The following ADGRF4 variants were observed in gnomAD, a reference collection of about 807,000 sequenced individuals.
ADGRF4 encodes G-protein coupled receptor PGR18.
A neutral mutation model predicts 58.5 loss-of-function variants in ADGRF4; 63 were observed. The observed-to-expected ratio is 1.08, with a 90% CI of 0.88 to 1.33. The LOEUF is 1.33. Among genes scored for constraint, ADGRF4 ranks in the 40% most tolerant of loss-of-function variants. ADGRF4 has a pLI of 0.00. For synonymous variants in ADGRF4, 313 were observed against 295.4 expected, an observed-to-expected ratio of 1.06 and a Z score of -0.61; for missense variants, 931 against 843.9, an observed-to-expected ratio of 1.10 and a Z score of -1.28.
At chr6:47,718,548 G>C (rs1391289812) in intron 9 of ADGRF4, 103 bp downstream of exon 9, 5 of 749,120 alleles carry the variant, frequency 6.7e-6, no homozygotes, top group Non-Finnish European at 1.2e-5. Flanking sequence ...GCCAGAATGA[G>C]GTGGGAGGGG....
chr6:47,713,750 C>T (rs775094222), intron 5 of ADGRF4, 48 bp from the exon 6 acceptor site: 3 of 1,390,542 alleles, frequency 2.2e-6, no homozygotes, highest in African/African-American at 1.4e-5. Context: ...CAACTTTGTA[C>T]AACAATGTGT....
At chr6:47,711,193 G>T (rs1379556920) in intron 4 of ADGRF4, among the ~76,000 whole-genome samples, 1 of 151,990 alleles carries the variant, frequency 6.6e-6, no homozygotes, top group South Asian at 2.1e-4. Context: ...TAGCTCTAAA[G>T]GTGGGTTGGT....
intron 1 of ADGRF4, among the ~76,000 whole-genome samples, chr6:47,705,840 T>C (rs1047329492): frequency 6.6e-6 from 1 of 152,234 alleles, no homozygotes; most frequent in African/African-American, 2.4e-5. Context: ...CTGGTTGTGT[T>C]CACTGAATGT....
intron 2 of ADGRF4, 83 bp from the exon 3 acceptor site, chr6:47,708,141 C>A: frequency 1.0e-6 from 1 of 993,920 alleles, no homozygotes; most frequent in Non-Finnish European, 1.6e-6. Context: ...ATTTTCTTTT[C>A]ATATTCATAT....
chr6:47,712,802 C>T (rs1771905103), intron 5 of ADGRF4, among the ~76,000 whole-genome samples, 194 bp downstream of exon 5: 1 of 152,128 alleles, frequency 6.6e-6, no homozygotes, highest in African/African-American at 2.4e-5. Context: ...TTTTTAATAC[C>T]TATCTTTGTA....
In ADGRF4 at chr6:47,715,428, G is replaced by A. The variant is rs116832627; in HGVS notation, c.1932+251G>A. The A allele has an allele frequency of 1.4e-3, 550 of 384,102 alleles. 3 individuals carry two copies. Among genetic ancestry groups the A allele is most frequent in the African/African-American group, 8.8e-3 (445 of 50,284 alleles). 23.8% of individuals were successfully genotyped at this position (384,102 alleles called of 1,614,324 possible). ...CCCTACTAAAGTTTCAATGTTAGAA[G>A]AAGCTAACCTTCACTTATAGAGGAC... On this transcript the variant is annotated intron_variant, in intron 6 of 9. Coordinates refer to ENST00000283303, the MANE Select transcript of ADGRF4 (RefSeq NM_153838.5).
chr6:47,708,344 G>A (rs1440040891), intron 3 of ADGRF4, 66 bp downstream of exon 3: 1 of 1,245,458 alleles, frequency 8.0e-7, no homozygotes, highest in Non-Finnish European at 1.2e-6. Flanking sequence ...GGGCACTGAT[G>A]TTGCAAGCTT....
chr6:47,717,936 A>G (rs1174176637), intron 8 of ADGRF4, among the ~76,000 whole-genome samples: 1 of 152,202 alleles, frequency 6.6e-6, no homozygotes, highest in Non-Finnish European at 1.5e-5. Context: ...AATTGCTGAT[A>G]CTACTTTATT....
intron 7 of ADGRF4, 121 bp from the exon 8 acceptor site, chr6:47,717,171 C>T: frequency 1.3e-6 from 1 of 766,374 alleles, no homozygotes; most frequent in Admixed American, 1.8e-5. Flanking sequence ...TTGCCAGTCA[C>T]TATGCTAAGT....
In ADGRF4 at chr6:47,717,339, G is replaced by T; in HGVS notation, c.2022G>T (p.Ser674=). The change falls in exon 8 of 10, where the codon TCG becomes TCT. Residue 674 remains serine (S), a synonymous_variant. Transcript: ENST00000283303. Reference sequence around the variant, plus strand: ...GGATGTCTTCACTGAAGGGGAAATCGAGGGCAGCTGAGGTAAGCCTTCCCC... The same window carrying T: ...GGATGTCTTCACTGAAGGGGAAATCTAGGGCAGCTGAGGTAAGCCTTCCCC... ...RMRMSSLKGK[S]RAAENASLGP... is the part of the protein sequence containing the mutation. The T allele has an allele frequency of 1.2e-6, 2 of 1,610,104 alleles. No homozygotes were observed. Among genetic ancestry groups the T allele is most frequent in the Non-Finnish European group, 1.7e-6 (2 of 1,176,328 alleles).
chr6:47,705,340 T>C (rs1771684597), intron 1 of ADGRF4, among the ~76,000 whole-genome samples: 1 of 152,258 alleles, frequency 6.6e-6, no homozygotes, highest in South Asian at 2.1e-4. Flanking sequence ...TAAGCATCTA[T>C]CTTGGACAAT....
At position 47,707,323 on chromosome 6, in the gene ADGRF4, C is replaced by T. The variant is rs1453614411; in HGVS notation, c.78C>T (p.Ser26=). Residue 26 remains serine (S), a synonymous_variant, in exon 2 of 10, where the codon TCC becomes TCT. Coordinates refer to ENST00000283303, the MANE Select transcript of ADGRF4 (RefSeq NM_153838.5). ...CCACAGAATGTTCCCACTATAGATC[C>T]AAGATTCACCTAAAAGTAAGTTTGA... ...FLSTECSHYR[S]KIHLKAGDKL... 1 of 1,605,598 alleles carries T rather than the reference C, an allele frequency of 6.2e-7. No homozygotes were observed. Among genetic ancestry groups the T allele is most frequent in the Admixed American group, 1.7e-5 (1 of 60,006 alleles).
chr6:47,705,109 C>T (rs942382178), intron 1 of ADGRF4, among the ~76,000 whole-genome samples: 1 of 151,968 alleles, frequency 6.6e-6, no homozygotes, highest in Non-Finnish European at 1.5e-5. Context: ...TTTGTATTTT[C>T]AGTAGAGATG....
At chr6:47,716,878 G>A in intron 7 of ADGRF4, 31 bp downstream of exon 7, 1 of 1,475,948 alleles carries the variant, frequency 6.8e-7, no homozygotes, top group Non-Finnish European at 9.4e-7. Flanking sequence ...CCTTATAAAT[G>A]GTTTTCATGT....
At chr6:47,706,180 G>A (rs894656740) in intron 1 of ADGRF4, among the ~76,000 whole-genome samples, 4 of 152,162 alleles carry the variant, frequency 2.6e-5, no homozygotes, top group Admixed American at 1.3e-4. Flanking sequence ...CCAATAAGGG[G>A]TCTGAATTGC....
At chr6:47,700,915 A>T (rs1771574260) in intron 1 of ADGRF4, among the ~76,000 whole-genome samples, 2 of 151,356 alleles carry the variant, frequency 1.3e-5, no homozygotes, top group South Asian at 4.2e-4. Context: ...GGTGCTGAGG[A>T]TAGAGAAACA....
intron 4 of ADGRF4, among the ~76,000 whole-genome samples, chr6:47,711,450 A>G (rs1443112820): frequency 2.0e-5 from 3 of 152,146 alleles, no homozygotes; most frequent in Non-Finnish European, 2.9e-5. Context: ...TTTAGTAGAG[A>G]TGGGGTTTCA....
At chr6:47,716,440 G>T (rs1772020745) in intron 6 of ADGRF4, among the ~76,000 whole-genome samples, 1 of 152,102 alleles carries the variant, frequency 6.6e-6, no homozygotes, top group African/African-American at 2.4e-5. Context: ...CACCTTCCAT[G>T]ATTGTGATTT....
intron 3 of ADGRF4, among the ~76,000 whole-genome samples, chr6:47,708,809 A>G (rs899213870): frequency 1.3e-5 from 2 of 152,336 alleles, no homozygotes; most frequent in Non-Finnish European, 2.9e-5. Flanking sequence ...TGGATTCTGC[A>G]CAATTATGGC....
Sources: allele counts gnomAD v4.1 joint callset (sites outside exome capture counted in the v4.1 genomes callset), GRCh38; gene constraint gnomAD v4.1.1; transcripts MANE v1.5; gene names NCBI Gene and HGNC (gene_info 2026-07-23, HGNC 2026-07-21).